VPS35: variants seen among roughly 807,000 people sequenced by gnomAD.
VPS35 encodes the protein VPS35 retromer complex component, also known as vacuolar protein sorting-associated protein 35.
A neutral mutation model predicts 98.1 loss-of-function variants in VPS35; 21 were observed. That is an observed-to-expected ratio of 0.21 (90% CI 0.15 to 0.31). The LOEUF (loss-of-function observed/expected upper bound fraction) is 0.31, where lower values mean the gene tolerates loss of function less well. Among genes scored for constraint, VPS35 ranks in the 10% least tolerant of loss-of-function variants. The pLI, the probability that VPS35 is intolerant of heterozygous loss-of-function variation, is 1.00. For synonymous variants in VPS35, 268 were observed against 318.2 expected, an observed-to-expected ratio of 0.84 and a Z score of 1.68; for missense variants, 554 against 950.8, an observed-to-expected ratio of 0.58 and a Z score of 5.49.
At chr16:46,685,954 T>C (rs1344730472) in intron 1 of VPS35, among the ~76,000 whole-genome samples, 1 of 152,162 alleles carries the variant, frequency 6.6e-6, no homozygotes, top group Non-Finnish European at 1.5e-5. Flanking sequence ...TACAGTTCAG[T>C]GGCATTAGGT....
intron 10 of VPS35, among the ~76,000 whole-genome samples, chr16:46,672,722 C>G (rs1392355406): frequency 6.6e-6 from 1 of 152,154 alleles, no homozygotes; most frequent in Non-Finnish European, 1.5e-5. Context: ...AACTCATGAA[C>G]AGATGGTATA....
intron 1 of VPS35, among the ~76,000 whole-genome samples, chr16:46,684,257 T>C (rs908958352): frequency 6.6e-6 from 1 of 152,222 alleles, no homozygotes; most frequent in African/African-American, 2.4e-5. Flanking sequence ...GTGATAGGTA[T>C]AGCCGAAACC....
At chr16:46,687,336 A>T (rs1458056082) in intron 1 of VPS35, among the ~76,000 whole-genome samples, 2 of 152,220 alleles carry the variant, frequency 1.3e-5, no homozygotes, top group African/African-American at 4.8e-5. Context: ...CAACTTCAAA[A>T]TATAATTTGA....
Position 46,662,969 on chromosome 16 carries a change from G to A in VPS35, c.1827+14C>T. The A allele has an allele frequency of 6.2e-7, 1 of 1,614,156 alleles. No individual in the cohort carries two copies. The highest frequency in any genetic ancestry group is 1.1e-5 in the South Asian group (1 of 91,068). On this transcript the variant is annotated intron_variant, in intron 14 of 16. Transcript: ENST00000299138. ...CAGAGCTGACATGACAACGCAGAAA[G>A]AACAGATCATCACCTGGGACATGAA...
At position 46,681,328 on chromosome 16, in the gene VPS35, T is replaced by C. The variant is rs772710872; in HGVS notation, c.323+49A>G. On this transcript the variant is annotated intron_variant, in intron 4 of 16. Coordinates refer to ENST00000299138, the MANE Select transcript of VPS35 (RefSeq NM_018206.6). ...GCTGATAATCATAAAAGACGTAACATATAGTGAGAAATACAGACACAAAAG... is the reference window on the plus strand; with the variant it reads ...GCTGATAATCATAAAAGACGTAACACATAGTGAGAAATACAGACACAAAAG... 88 of 1,610,834 alleles carry C rather than the reference T, an allele frequency of 5.5e-5. 1 individual carries two copies. The Admixed American group carries it at 1.4e-3, about 25-fold the overall frequency.
chr16:46,670,742 T>C (rs560798000), intron 12 of VPS35, among the ~76,000 whole-genome samples: 1 of 152,122 alleles, frequency 6.6e-6, no homozygotes, highest in South Asian at 2.1e-4. Context: ...AATACCACAG[T>C]CCTGGAATGT....
chr16:46,656,240 CT>C lies in VPS35; in HGVS notation c.*4231del, dbSNP rs1567465330. On this transcript the variant is annotated 3_prime_UTR_variant, in exon 17 of 17. Transcript: ENST00000299138. ...TAGGTGGAGGAATGGCTGATCTCCT[CT>C]TGTCTTTGCTCTGCACATGGGAAGA... 1 of 152,178 alleles carries C rather than the reference CT, an allele frequency of 6.6e-6. No individual in the cohort carries two copies. The highest frequency in any genetic ancestry group is 2.4e-5 in the African/African-American group (1 of 41,432). 9.4% of individuals were successfully genotyped at this position (152,178 alleles called of 1,614,324 possible). A position where few individuals can be genotyped will look rare whatever the true frequency, so the allele number is the denominator to read the frequency against.
chr16:46,680,529 G>A, intron 5 of VPS35, 142 bp downstream of exon 5: 1 of 863,708 alleles, frequency 1.2e-6, no homozygotes, highest in Non-Finnish European at 1.8e-6. Context: ...TATTACAAAG[G>A]AAATCTATAT....
At position 46,659,034 on chromosome 16, in the gene VPS35, C is replaced by T. The variant is rs1353218396; in HGVS notation, c.*1438G>A. The T allele has an allele frequency of 6.6e-6, 1 of 152,290 alleles. No homozygotes were observed. The highest frequency in any genetic ancestry group is 1.5e-5 in the Non-Finnish European group (1 of 68,094). The allele number at this position is 152,290 out of a possible 1,614,324, so 9.4% of individuals were successfully genotyped here. On this transcript the variant is annotated 3_prime_UTR_variant, in exon 17 of 17. Coordinates refer to ENST00000299138, the MANE Select transcript of VPS35 (RefSeq NM_018206.6). ...AGGCCACTGAAAGGCACTGTGGTTT[C>T]CTTCTTGCTTTCATACTCAGGGGAA...
intron 11 of VPS35, 108 bp downstream of exon 11, chr16:46,672,157 A>T: frequency 1.0e-6 from 1 of 955,392 alleles, no homozygotes; most frequent in Non-Finnish European, 1.6e-6. Context: ...GTTACTTGTA[A>T]ATTTTATTTA....
At chr16:46,669,598 T>C (rs1255283531) in intron 12 of VPS35, among the ~76,000 whole-genome samples, 3 of 144,452 alleles carry the variant, frequency 2.1e-5, no homozygotes, top group African/African-American at 7.8e-5. Context: ...ACCCAGGAGA[T>C]GGAGGTTGCA....
rs183985875 is a variant in VPS35, at chr16:46,681,973, G to A, written c.199+106C>T. ...AGGAGTGCCATGTGACTCAGATAAC[G>A]AAGAATAAGATAACTCCAGAAAAAC... On this transcript the variant is annotated intron_variant, in intron 3 of 16. Transcript: ENST00000299138. 11 of 834,762 alleles carry A rather than the reference G, an allele frequency of 1.3e-5. No homozygotes were observed. In the Admixed American group the frequency reaches 2.1e-4, roughly 16 times the overall value. The allele number at this position is 834,762 out of a possible 1,614,324, so 51.7% of individuals were successfully genotyped here. A position where few individuals can be genotyped will look rare whatever the true frequency, so the allele number is the denominator to read the frequency against.
rs926461640 is a variant in VPS35 at position 46,661,999 on chromosome 16, C to T, written c.2068-138G>A. 6.5e-6 allele frequency: 9 copies of T among 1,382,916 alleles called. No homozygotes were observed. In the South Asian group the frequency reaches 1.2e-4, roughly 18 times the overall value. The allele number at this position is 1,382,916 out of a possible 1,614,324, so 85.7% of individuals were successfully genotyped here. A position where few individuals can be genotyped will look rare whatever the true frequency, so the allele number is the denominator to read the frequency against. ...TTAAATCCTTTTCATTCTCCTTCTT[C>T]TTGTTTTGAAGTATACAGCTGTATT... On this transcript the variant is annotated intron_variant, in intron 15 of 16. Transcript: ENST00000299138. The surrounding 1 kb of genome is among the most constrained non-coding windows in gnomAD (Gnocchi z 4.3).
chr16:46,665,373 G>A (rs1965972827), intron 13 of VPS35, among the ~76,000 whole-genome samples: 1 of 152,146 alleles, frequency 6.6e-6, no homozygotes, highest in Admixed American at 6.5e-5. Flanking sequence ...GAGGCAGGAG[G>A]ATCGCTTGAG....
intron 13 of VPS35, among the ~76,000 whole-genome samples, chr16:46,664,502 G>T (rs1257510739): frequency 2.0e-5 from 3 of 150,836 alleles, no homozygotes; most frequent in Non-Finnish European, 4.4e-5. Context: ...CAAGTAATTT[G>T]TATCTAATTT....
chr16:46,664,800 C>A (rs542425183), intron 13 of VPS35, among the ~76,000 whole-genome samples: 1 of 152,180 alleles, frequency 6.6e-6, no homozygotes, highest in African/African-American at 2.4e-5. Context: ...GGATTACAGG[C>A]GTGAGCCACT....
At chr16:46,682,379 G>A in intron 2 of VPS35, 1 of 538,486 alleles carries the variant, frequency 1.9e-6, no homozygotes. Context: ...ATGATTCTTA[G>A]TAAGACTTAA....
At position 46,659,462 on chromosome 16, in the gene VPS35, A is replaced by C. The variant is rs1282548528; in HGVS notation, c.*1010T>G. ...GTGAGCCTTTGGGGGGTTTATGTGA[A>C]TTCATCATGCCTTGGGAAAAGCAGG... On this transcript the variant is annotated 3_prime_UTR_variant, in exon 17 of 17. Transcript: ENST00000299138. 6.6e-6 allele frequency: 1 copy of C among 152,224 alleles called. No individual in the cohort carries two copies. The highest frequency in any genetic ancestry group is 1.5e-5 in the Non-Finnish European group (1 of 68,042). The allele number at this position is 152,224 out of a possible 1,614,324, so 9.4% of individuals were successfully genotyped here. A position where few individuals can be genotyped will look rare whatever the true frequency, so the allele number is the denominator to read the frequency against.
intron 1 of VPS35, among the ~76,000 whole-genome samples, chr16:46,686,028 T>C (rs1479806167): frequency 1.3e-5 from 2 of 152,062 alleles, no homozygotes; most frequent in African/African-American, 4.8e-5. Flanking sequence ...CAAATGCAAA[T>C]AGAAACTGTA....
Sources: gnomAD v4.1 joint callset for allele counts (sites outside exome capture counted in the v4.1 genomes callset) on GRCh38, gnomAD v4.1.1 for gene constraint, Gnocchi (gnomAD v3.1) non-coding constraint, MANE v1.5 for transcripts, NCBI Gene and HGNC (gene_info 2026-07-23, HGNC 2026-07-21) for gene names.